ROBO2: variants seen among roughly 807,000 people sequenced by gnomAD.
ROBO2 encodes the protein roundabout guidance receptor 2, also known as roundabout homolog 2.
A neutral mutation model predicts 160.8 loss-of-function variants in ROBO2; 53 were observed. The observed-to-expected ratio is 0.33, with a 90% CI of 0.26 to 0.41. ROBO2 has a LOEUF of 0.41. Among genes scored for constraint, ROBO2 ranks in the 10% least tolerant of loss-of-function variants. ROBO2 has a pLI of 1.00. For missense variants in ROBO2, 1,577 were observed against 1,722.4 expected, an observed-to-expected ratio of 0.92 and a Z score of 1.49; for synonymous variants, 664 against 611.7, an observed-to-expected ratio of 1.09 and a Z score of -1.26.
At position 76,798,194 on chromosome 3, in the gene ROBO2, GAAGA is replaced by G. The variant is rs1382542090; in HGVS notation, c.110-299811_110-299808del. Among the ~76,000 whole-genome samples the G allele has an allele frequency of 1.2e-3, 132 of 112,738 alleles. 2 individuals carry two copies. Among genetic ancestry groups the G allele is most frequent in the African/African-American group, 4.0e-3 (121 of 30,074 alleles). 74.0% of individuals were successfully genotyped at this position (112,738 alleles called of 152,430 possible). A position where few individuals can be genotyped will look rare whatever the true frequency, so the allele number is the denominator to read the frequency against. Reference sequence around the variant, plus strand: ...AGGGAGAGAAAGAAAGAAAGAAAAAGAAGAAAGAAAGAGAAAGAGAAAAAGAAAG... The same window carrying G: ...AGGGAGAGAAAGAAAGAAAGAAAAAGAAGAAAGAGAAAGAGAAAAAGAAAG... On this transcript the variant is annotated intron_variant, in intron 2 of 26. Coordinates refer to the ROBO2 transcript ENST00000487694.
intron 2 of ROBO2, among the ~76,000 whole-genome samples, chr3:76,119,916 C>CCCTCCCTCCCTCCCTTCCTTCCTTCCTT (rs1377854643): frequency 2.0e-4 from 18 of 88,170 alleles, no homozygotes; most frequent in East Asian, 7.9e-4. Context: ...TTCCCTCCCT[C>CCCTCCCTCCCTCCCTTCCTTCCTTCCTT]CCTTCCTTCC....
chr3:77,315,695 C>T (rs192779199), intron 2 of ROBO2, among the ~76,000 whole-genome samples: 2 of 152,068 alleles, frequency 1.3e-5, no homozygotes, highest in Non-Finnish European at 2.9e-5. Flanking sequence ...GCCTTCCCTA[C>T]GTAATTGGCT....
At chr3:76,996,943 A>AT (rs2061048195) in intron 2 of ROBO2, among the ~76,000 whole-genome samples, 2 of 152,152 alleles carry the variant, frequency 1.3e-5, no homozygotes, top group Admixed American at 1.3e-4. Flanking sequence ...CTGCCCCAGT[A>AT]TTACAGATCT....
chr3:76,146,485 A>T lies in ROBO2; in HGVS notation c.109+208883A>T, dbSNP rs576357439. On this transcript the variant is annotated intron_variant, in intron 2 of 26. Coordinates refer to the ROBO2 transcript ENST00000487694. ...TCTAGAGAGTGTCTCTGCTACTTCA[A>T]ATCTCTCTGACCTCTTTTAAATAAC... Among the ~76,000 whole-genome samples the T allele has an allele frequency of 2.2e-3, 327 of 151,810 alleles. 1 individual carries two copies. The highest frequency in any genetic ancestry group is 7.6e-3 in the African/African-American group (317 of 41,474).
At chr3:76,766,990 A>G (rs1352207349) in intron 2 of ROBO2, among the ~76,000 whole-genome samples, 1 of 151,568 alleles carries the variant, frequency 6.6e-6, no homozygotes, top group Non-Finnish European at 1.5e-5. Context: ...CATTATTTAT[A>G]AAGTTCACAA....
chr3:77,555,330 G>T (rs934680841), intron 8 of ROBO2, among the ~76,000 whole-genome samples: 3 of 151,822 alleles, frequency 2.0e-5, no homozygotes, highest in African/African-American at 7.3e-5. Context: ...CCTGAGATAT[G>T]CCTGTATTCC....
chr3:76,089,598 T>C (rs2069145474), intron 2 of ROBO2, among the ~76,000 whole-genome samples: 1 of 152,072 alleles, frequency 6.6e-6, no homozygotes, highest in African/African-American at 2.4e-5. Flanking sequence ...AATATTAATA[T>C]CTGAAGAAAA....
chr3:75,984,342 C>T (rs2107468318), intron 2 of ROBO2, among the ~76,000 whole-genome samples: 1 of 151,532 alleles, frequency 6.6e-6, no homozygotes, highest in Admixed American at 6.6e-5. Flanking sequence ...GTTTATTTCC[C>T]TTGTTTTTTA....
chr3:76,516,506 T>G (rs1412635127), intron 2 of ROBO2, among the ~76,000 whole-genome samples: 1 of 152,104 alleles, frequency 6.6e-6, no homozygotes, highest in Non-Finnish European at 1.5e-5. Context: ...AGAGACACAA[T>G]GTATTATAAG....
At chr3:77,577,082 G>T (rs754973465) in intron 14 of ROBO2, among the ~76,000 whole-genome samples, 1 of 152,032 alleles carries the variant, frequency 6.6e-6, no homozygotes, top group South Asian at 2.1e-4. Flanking sequence ...GACATACACC[G>T]GCTCAAATTC....
At chr3:77,130,166 G>A (rs2075721446) in intron 2 of ROBO2, among the ~76,000 whole-genome samples, 1 of 152,076 alleles carries the variant, frequency 6.6e-6, no homozygotes, top group Non-Finnish European at 1.5e-5. Context: ...CTTCCATGAT[G>A]ACTCTCAAAT....
intron 2 of ROBO2, among the ~76,000 whole-genome samples, chr3:76,517,655 C>T (rs2081408373): frequency 6.6e-6 from 1 of 152,136 alleles, no homozygotes; most frequent in Admixed American, 6.6e-5. Context: ...GATACAGTTG[C>T]TATTGCTATT....
chr3:76,852,690 A>T (rs1404744579), intron 2 of ROBO2, among the ~76,000 whole-genome samples: 3 of 152,162 alleles, frequency 2.0e-5, no homozygotes, highest in Non-Finnish European at 2.9e-5. Context: ...ATCTGAAATA[A>T]TGGCAATATT....
At chr3:77,616,748 G>T (rs998782556) in intron 21 of ROBO2, among the ~76,000 whole-genome samples, 1 of 152,022 alleles carries the variant, frequency 6.6e-6, no homozygotes, top group Non-Finnish European at 1.5e-5. Flanking sequence ...TTGTCTCATG[G>T]TTAAAACTTT....
At chr3:76,008,148 T>C (rs1177858260) in intron 2 of ROBO2, among the ~76,000 whole-genome samples, 1 of 141,798 alleles carries the variant, frequency 7.1e-6, no homozygotes, top group African/African-American at 2.6e-5. Context: ...GGTAGGAGAA[T>C]TGCTCGAACC....
intron 2 of ROBO2, among the ~76,000 whole-genome samples, chr3:76,773,288 GT>G (rs62975761): frequency 0.17 from 25,462 of 149,884 alleles, 2,476 homozygotes; most frequent in Non-Finnish European, 0.22. Flanking sequence ...TATTTATTCT[GT>G]TTTTTTTAAT....
At chr3:76,953,428 G>A (rs2079069735) in intron 2 of ROBO2, among the ~76,000 whole-genome samples, 1 of 152,116 alleles carries the variant, frequency 6.6e-6, no homozygotes. Context: ...GGAAGCTTTA[G>A]GGAGGAAACA....
At chr3:76,170,019 A>T (rs1425805827) in intron 2 of ROBO2, among the ~76,000 whole-genome samples, 1 of 152,130 alleles carries the variant, frequency 6.6e-6, no homozygotes, top group Non-Finnish European at 1.5e-5. Context: ...TGACCTCATG[A>T]TCCACTCGGC....
chr3:77,071,867 T>G (rs1172095385), intron 1 of ROBO2, among the ~76,000 whole-genome samples: 1 of 152,038 alleles, frequency 6.6e-6, no homozygotes, highest in African/African-American at 2.4e-5. Flanking sequence ...CCACTCTCAT[T>G]CCTCACAAGT....
Sources: gnomAD v4.1 joint callset for allele counts (sites outside exome capture counted in the v4.1 genomes callset) on GRCh38, gnomAD v4.1.1 for gene constraint, MANE v1.5 for transcripts, NCBI Gene and HGNC (gene_info 2026-07-23, HGNC 2026-07-21) for gene names.